The following CTDSPL2 variants were observed in gnomAD, a reference collection of about 807,000 sequenced individuals.
CTDSPL2 encodes CTD small phosphatase like 2.
A neutral mutation model predicts 60.0 loss-of-function variants in CTDSPL2; 5 were observed. The ratio of observed to expected loss-of-function variants is 0.08; its 90% confidence interval spans 0.04 to 0.18. The LOEUF is 0.18. Ranked by LOEUF, CTDSPL2 falls within the 10% of genes least tolerant of loss-of-function variation. The pLI, the probability that CTDSPL2 is intolerant of heterozygous loss-of-function variation, is 1.00. For missense variants in CTDSPL2, 370 were observed against 548.8 expected (o/e 0.67, Z 3.26); for synonymous variants, 186 against 189.3 (o/e 0.98, Z 0.14).
intron 10 of CTDSPL2, among the ~76,000 whole-genome samples, chr15:44,515,780 G>A (rs1034144592): frequency 2.0e-5 from 3 of 151,878 alleles, no homozygotes; most frequent in Non-Finnish European, 4.4e-5. Flanking sequence ...GGCTGAGGCA[G>A]GAGAATCGCT....
At chr15:44,508,693 C>A (rs1402414114) in intron 8 of CTDSPL2, among the ~76,000 whole-genome samples, 1 of 152,104 alleles carries the variant, frequency 6.6e-6, no homozygotes, top group Non-Finnish European at 1.5e-5. Context: ...GAGGCTGAGG[C>A]GGGTGGATCA....
chr15:44,456,039 A>G (rs1287871794), intron 1 of CTDSPL2, among the ~76,000 whole-genome samples: 6 of 150,504 alleles, frequency 4.0e-5, no homozygotes, highest in East Asian at 2.0e-4. Flanking sequence ...TTTAGTAGAG[A>G]CGGGGTTTCA....
chr15:44,434,220 C>T (rs753085084), intron 1 of CTDSPL2, among the ~76,000 whole-genome samples: 4 of 151,416 alleles, frequency 2.6e-5, no homozygotes, highest in South Asian at 2.1e-4. Flanking sequence ...GCCAACATGG[C>T]GAAACCCCAT....
intron 8 of CTDSPL2, among the ~76,000 whole-genome samples, chr15:44,500,930 G>C (rs898202354): frequency 1.3e-5 from 2 of 152,144 alleles, no homozygotes; most frequent in African/African-American, 2.4e-5. Context: ...TAGTCCTGAT[G>C]TATAATCGGG....
chr15:44,473,505 C>T (rs575698030), intron 2 of CTDSPL2, among the ~76,000 whole-genome samples: 188 of 150,640 alleles, frequency 1.2e-3, no homozygotes, highest in Middle Eastern at 3.4e-3. Flanking sequence ...CCGTGTTAGT[C>T]AGAATGGTCT....
chr15:44,437,521 T>C (rs1411270308), intron 1 of CTDSPL2, among the ~76,000 whole-genome samples: 1 of 152,218 alleles, frequency 6.6e-6, no homozygotes, highest in Admixed American at 6.5e-5. Context: ...GAAGAAACTT[T>C]TAGTTTTATT....
At chr15:44,496,053 G>T (rs2081294693) in intron 5 of CTDSPL2, among the ~76,000 whole-genome samples, 1 of 152,050 alleles carries the variant, frequency 6.6e-6, no homozygotes. Context: ...AAATTTTTTG[G>T]TGATTACATG....
intron 2 of CTDSPL2, among the ~76,000 whole-genome samples, chr15:44,479,180 A>T (rs1244514356): frequency 6.6e-6 from 1 of 151,986 alleles, no homozygotes; most frequent in Non-Finnish European, 1.5e-5. Flanking sequence ...TGAACCTGGG[A>T]ATTTGAGACC....
At chr15:44,506,124 G>A (rs1360541115) in intron 8 of CTDSPL2, among the ~76,000 whole-genome samples, 1 of 148,484 alleles carries the variant, frequency 6.7e-6, no homozygotes, top group African/African-American at 2.5e-5. Flanking sequence ...CTGCCTCCCA[G>A]GTTCAAGAAA....
chr15:44,446,525 G>T (rs1020431850), intron 1 of CTDSPL2, among the ~76,000 whole-genome samples: 7 of 152,032 alleles, frequency 4.6e-5, no homozygotes, highest in African/African-American at 1.7e-4. Flanking sequence ...AGCTACTTGG[G>T]AGGCCAAGGC....
chr15:44,455,359 T>C (rs962710747), intron 1 of CTDSPL2, among the ~76,000 whole-genome samples: 145 of 152,218 alleles, frequency 9.5e-4, no homozygotes, highest in Non-Finnish European at 3.4e-4. Context: ...AATCATGTCA[T>C]CTGCAAACAG....
At chr15:44,446,118 G>T (rs984754483) in intron 1 of CTDSPL2, among the ~76,000 whole-genome samples, 2 of 151,792 alleles carry the variant, frequency 1.3e-5, no homozygotes, top group African/African-American at 2.4e-5. Context: ...TGGAGACAGG[G>T]TTTCACCATA....
chr15:44,522,329 C>T (rs1369328592), intron 12 of CTDSPL2, among the ~76,000 whole-genome samples: 2 of 152,176 alleles, frequency 1.3e-5, no homozygotes, highest in East Asian at 3.8e-4. Flanking sequence ...CCATCATGCC[C>T]AACCACATTT....
chr15:44,474,547 C>G (rs1223382283), intron 2 of CTDSPL2, among the ~76,000 whole-genome samples: 1 of 152,014 alleles, frequency 6.6e-6, no homozygotes, highest in African/African-American at 2.4e-5. Flanking sequence ...TCCCAACTTG[C>G]TAAACGTGGC....
At chr15:44,486,346 A>G (rs961639722) in intron 3 of CTDSPL2, among the ~76,000 whole-genome samples, 1 of 152,246 alleles carries the variant, frequency 6.6e-6, no homozygotes, top group Non-Finnish European at 1.5e-5. Context: ...TTAGCATTAT[A>G]AACACATTGA....
chr15:44,490,233 G>T (rs2140803363), intron 4 of CTDSPL2, among the ~76,000 whole-genome samples: 1 of 152,152 alleles, frequency 6.6e-6, no homozygotes, highest in East Asian at 1.9e-4. Flanking sequence ...CTCCTTCTGG[G>T]CCCAAGCGAT....
intron 4 of CTDSPL2, among the ~76,000 whole-genome samples, 157 bp from the exon 5 acceptor site, chr15:44,490,627 G>C (rs764416424): frequency 1.3e-5 from 2 of 152,106 alleles, no homozygotes; most frequent in African/African-American, 2.4e-5. Context: ...TTCATTGTTT[G>C]AAATAGCTAG....
intron 2 of CTDSPL2, among the ~76,000 whole-genome samples, chr15:44,466,670 C>T (rs571155183): frequency 5.3e-5 from 8 of 152,014 alleles, no homozygotes; most frequent in Non-Finnish European, 7.4e-5. Context: ...ATTGGCCGGG[C>T]GCGGTGGCTC....
At chr15:44,515,371 T>A (rs1279811448) in intron 10 of CTDSPL2, among the ~76,000 whole-genome samples, 1 of 152,170 alleles carries the variant, frequency 6.6e-6, no homozygotes, top group Non-Finnish European at 1.5e-5. Context: ...GTTCCTTGTG[T>A]GTGCCCTGAG....
Sources: allele counts gnomAD v4.1 joint callset (sites outside exome capture counted in the v4.1 genomes callset), GRCh38; gene constraint gnomAD v4.1.1; transcripts MANE v1.5; gene names NCBI Gene and HGNC (gene_info 2026-07-23, HGNC 2026-07-21).